Variants in KHDRBS2 observed in about 807,000 individuals in gnomAD.
The protein encoded by KHDRBS2 is KH RNA binding domain containing, signal transduction associated 2.
Under a neutral mutation model 44.3 loss-of-function variants are expected in KHDRBS2, and 26 were observed. The ratio of observed to expected loss-of-function variants is 0.59; its 90% confidence interval spans 0.43 to 0.81. The LOEUF (loss-of-function observed/expected upper bound fraction) is 0.81. Among genes scored for constraint, KHDRBS2 ranks in the 40% least tolerant of loss-of-function variants. KHDRBS2 has a pLI of 0.00. For missense variants in KHDRBS2, 476 were observed against 433.1 expected (o/e 1.10, Z -0.88); for synonymous variants, 194 against 151.1 (o/e 1.28, Z -2.08).
At chr6:61,989,187 G>A (rs1775646701) in intron 3 of KHDRBS2, among the ~76,000 whole-genome samples, 1 of 152,088 alleles carries the variant, frequency 6.6e-6, no homozygotes, top group African/African-American at 2.4e-5. Context: ...CCCTTTTGGA[G>A]ACTAGATAGG....
At chr6:62,129,822 T>G (rs2150088953) in intron 2 of KHDRBS2, among the ~76,000 whole-genome samples, 1 of 152,184 alleles carries the variant, frequency 6.6e-6, no homozygotes, top group Admixed American at 6.5e-5. Context: ...ATGAGCACAG[T>G]TTTATTGGAG....
intron 2 of KHDRBS2, among the ~76,000 whole-genome samples, chr6:62,117,818 C>G (rs924798436): frequency 2.0e-5 from 3 of 152,046 alleles, no homozygotes; most frequent in African/African-American, 7.2e-5. Flanking sequence ...CTCTGTCACC[C>G]AGGCTGGAGT....
At chr6:62,268,256 C>T (rs1180458608) in intron 1 of KHDRBS2, among the ~76,000 whole-genome samples, 1 of 152,096 alleles carries the variant, frequency 6.6e-6, no homozygotes, top group African/African-American at 2.4e-5. Context: ...CACCAAATGC[C>T]AGCACTGATA....
intron 6 of KHDRBS2, among the ~76,000 whole-genome samples, chr6:61,872,033 G>T (rs955178567): frequency 6.6e-6 from 1 of 152,010 alleles, no homozygotes; most frequent in Admixed American, 6.6e-5. Context: ...CATGGTGCGT[G>T]TATGCCTGTG....
At chr6:62,167,534 T>C (rs1223809748) in intron 2 of KHDRBS2, among the ~76,000 whole-genome samples, 1 of 152,124 alleles carries the variant, frequency 6.6e-6, no homozygotes, top group Non-Finnish European at 1.5e-5. Flanking sequence ...GAGAATATGG[T>C]CTACAGCAAT....
chr6:62,094,573 T>C (rs1430470368), intron 2 of KHDRBS2, among the ~76,000 whole-genome samples: 1 of 151,804 alleles, frequency 6.6e-6, no homozygotes, highest in Non-Finnish European at 1.5e-5. Context: ...GCTGCCTATG[T>C]CTTTGTGTAT....
chr6:61,543,224 A>C, the KHDRBS2 span, among the ~76,000 whole-genome samples: 2 of 152,034 alleles, frequency 1.3e-5, no homozygotes, highest in Non-Finnish European at 2.9e-5. Context: ...CTGACAAGGG[A>C]CTAATAAAGT....
chr6:62,243,456 C>T (rs1835028890), intron 1 of KHDRBS2, among the ~76,000 whole-genome samples: 1 of 152,028 alleles, frequency 6.6e-6, no homozygotes, highest in African/African-American at 2.4e-5. Context: ...GATCACACTG[C>T]TAGTCAGGCT....
At chr6:61,910,800 A>G (rs1264088912) in intron 4 of KHDRBS2, among the ~76,000 whole-genome samples, 1 of 152,222 alleles carries the variant, frequency 6.6e-6, no homozygotes, top group East Asian at 1.9e-4. Flanking sequence ...AGATAATATT[A>G]AACGACAGAT....
At chr6:62,174,565 T>A (rs1212357707) in intron 2 of KHDRBS2, among the ~76,000 whole-genome samples, 1 of 151,804 alleles carries the variant, frequency 6.6e-6, no homozygotes, top group Non-Finnish European at 1.5e-5. Flanking sequence ...TCTTGTAGCA[T>A]TCAACTAAGT....
intron 2 of KHDRBS2, among the ~76,000 whole-genome samples, chr6:62,150,116 G>C (rs952323790): frequency 1.1e-4 from 16 of 152,170 alleles, no homozygotes; most frequent in African/African-American, 3.4e-4. Flanking sequence ...GAGTCTTAGA[G>C]AGTCATCCAG....
At chr6:62,160,595 T>C (rs979242356) in intron 2 of KHDRBS2, among the ~76,000 whole-genome samples, 7 of 152,114 alleles carry the variant, frequency 4.6e-5, no homozygotes, top group Non-Finnish European at 1.0e-4. Context: ...CTGTATGGCC[T>C]ATATGTTTAA....
At chr6:61,705,125 A>G in intron 7 of KHDRBS2, among the ~76,000 whole-genome samples, 1 of 151,864 alleles carries the variant, frequency 6.6e-6, no homozygotes, top group East Asian at 1.9e-4. Flanking sequence ...TCAAATGCAT[A>G]GATTATTAAG....
the KHDRBS2 span, among the ~76,000 whole-genome samples, chr6:61,549,131 G>A: frequency 6.6e-6 from 1 of 152,128 alleles, no homozygotes; most frequent in Admixed American, 6.6e-5. Context: ...GAAGACAATA[G>A]GGAGATTAAG....
intron 6 of KHDRBS2, among the ~76,000 whole-genome samples, chr6:61,745,273 T>C (rs1445055450): frequency 2.0e-5 from 3 of 152,190 alleles, no homozygotes; most frequent in African/African-American, 7.2e-5. Flanking sequence ...GAAAGGATGT[T>C]AACTTTGTAT....
intron 8 of KHDRBS2, among the ~76,000 whole-genome samples, chr6:61,695,296 CA>C (rs1259977202): frequency 2.0e-5 from 3 of 152,076 alleles, no homozygotes; most frequent in African/African-American, 7.2e-5. Flanking sequence ...CTGTTACTGG[CA>C]AATTGTTGAA....
intron 3 of KHDRBS2, among the ~76,000 whole-genome samples, chr6:62,018,411 G>C (rs1425536828): frequency 6.6e-6 from 1 of 151,678 alleles, no homozygotes; most frequent in Non-Finnish European, 1.5e-5. Flanking sequence ...GGAGTGTAGT[G>C]GCACGAACTC....
At chr6:61,607,520 C>CAAAAAAAAAAAAAAAAAAAAAAAAAAAAA in the KHDRBS2 span, among the ~76,000 whole-genome samples, 2 of 41,098 alleles carry the variant, frequency 4.9e-5, 1 homozygote, top group Non-Finnish European at 8.2e-5. Flanking sequence ...GAGTTCCAAG[C>CAAAAAAAAAAAAAAAAAAAAAAAAAAAAA]AAAAAAAAAA....
chr6:62,098,739 T>C (rs1195932844), intron 2 of KHDRBS2, among the ~76,000 whole-genome samples: 2 of 152,198 alleles, frequency 1.3e-5, no homozygotes, highest in Admixed American at 1.3e-4. Context: ...TTCTACCCCT[T>C]TGACATTCTC....
Sources: gnomAD v4.1 joint callset for allele counts (sites outside exome capture counted in the v4.1 genomes callset) on GRCh38, gnomAD v4.1.1 for gene constraint, MANE v1.5 for transcripts, NCBI Gene and HGNC (gene_info 2026-07-23, HGNC 2026-07-21) for gene names.